The following TSHZ2 variants were observed in gnomAD, a reference collection of about 807,000 sequenced individuals.
The protein encoded by TSHZ2 is teashirt homolog 2.
In TSHZ2, 21 loss-of-function variants were observed where a neutral mutation model predicts 74.4. That is an observed-to-expected ratio of 0.28 (90% CI 0.20 to 0.41). TSHZ2 has a LOEUF of 0.41. Among genes scored for constraint, TSHZ2 ranks in the 10% least tolerant of loss-of-function variants. The pLI is 1.00. For synonymous variants in TSHZ2, 540 were observed against 515.3 expected, an observed-to-expected ratio of 1.05 and a Z score of -0.65; for missense variants, 1,244 against 1,293.5, an observed-to-expected ratio of 0.96 and a Z score of 0.59.
rs59907513 is a variant in TSHZ2 at position 53,321,683 on chromosome 20, C to CAAAAAAA, written c.*8+65123_*8+65129dup. 1.5e-3 allele frequency among the ~76,000 whole-genome samples: 89 copies of CAAAAAAA among 58,234 alleles called. 4 individuals are homozygous for CAAAAAAA. The highest frequency in any genetic ancestry group is 3.1e-3 in the African/African-American group (37 of 11,980). The allele number at this position is 58,234 out of a possible 152,430, so 38.2% of individuals were successfully genotyped here. A position where few individuals can be genotyped will look rare whatever the true frequency, so the allele number is the denominator to read the frequency against. On this transcript the variant is annotated intron_variant, in intron 2 of 2. Transcript: ENST00000371497. ...TGGGCAACAGGGCGAGACTCCATCT[C>CAAAAAAA]AAAAAAAAAAAAAAAAAGAAAGACA...
chr20:53,271,497 C>G (rs1990837758), intron 2 of TSHZ2, among the ~76,000 whole-genome samples: 1 of 152,192 alleles, frequency 6.6e-6, no homozygotes, highest in Non-Finnish European at 1.5e-5. Flanking sequence ...ACAGGTCTAA[C>G]AGCCCTGCCC....
At chr20:53,096,566 A>AAGAATCATCATC (rs1291078486) in intron 1 of TSHZ2, among the ~76,000 whole-genome samples, 1 of 152,132 alleles carries the variant, frequency 6.6e-6, no homozygotes, top group African/African-American at 2.4e-5. Context: ...TCATTATCAT[A>AAGAATCATCATC]AGCATCATCA....
chr20:53,435,021 A>G (rs1983994115), intron 2 of TSHZ2, among the ~76,000 whole-genome samples: 1 of 152,230 alleles, frequency 6.6e-6, no homozygotes, highest in East Asian at 1.9e-4. Context: ...TAAAAGAGAG[A>G]AAACAAAACC....
chr20:53,156,991 A>G (rs1184960851), intron 1 of TSHZ2, among the ~76,000 whole-genome samples: 4 of 152,124 alleles, frequency 2.6e-5, no homozygotes, highest in Non-Finnish European at 5.9e-5. Flanking sequence ...GAAACATTAG[A>G]CCTTTCAGCT....
chr20:53,200,354 G>C (rs1250557520), intron 1 of TSHZ2, among the ~76,000 whole-genome samples: 1 of 152,156 alleles, frequency 6.6e-6, no homozygotes, highest in African/African-American at 2.4e-5. Flanking sequence ...CTGAAAACCA[G>C]GAAACACCAA....
intron 1 of TSHZ2, among the ~76,000 whole-genome samples, chr20:53,167,731 C>A (rs1239599967): frequency 1.3e-5 from 2 of 152,108 alleles, no homozygotes; most frequent in East Asian, 3.8e-4. Context: ...ATGAGAGGTG[C>A]AAGTGGTGAA....
At chr20:53,101,934 G>T (rs1986229398) in intron 1 of TSHZ2, among the ~76,000 whole-genome samples, 2 of 150,166 alleles carry the variant, frequency 1.3e-5, no homozygotes, top group East Asian at 3.8e-4. Flanking sequence ...TCACTTTTTT[G>T]GGGAGCGTCT....
chr20:53,216,780 G>T (rs1301184119), intron 1 of TSHZ2, among the ~76,000 whole-genome samples: 1 of 152,172 alleles, frequency 6.6e-6, no homozygotes, highest in Non-Finnish European at 1.5e-5. Context: ...TAATCATGTG[G>T]GTTGTTCTTC....
chr20:53,430,315 G>A (rs1983795524), intron 2 of TSHZ2, among the ~76,000 whole-genome samples: 1 of 151,988 alleles, frequency 6.6e-6, no homozygotes, highest in Admixed American at 6.6e-5. Context: ...ACATTGCCCA[G>A]GCTGGTCTCA....
At position 53,364,629 on chromosome 20, in the gene TSHZ2, T is replaced by G. The variant is rs142970240; in HGVS notation, c.*8+108058T>G. On this transcript the variant is annotated intron_variant, in intron 2 of 2. Transcript: ENST00000371497. ...AGTAGTCAACAGGGAAGGTTCAGAT[T>G]TGTTTCTTCCTTGAAAGCTGCAGAA... 8.2e-4 allele frequency among the ~76,000 whole-genome samples: 125 copies of G among 152,320 alleles called. 1 individual carries two copies. Among genetic ancestry groups the G allele is most frequent in the African/African-American group, 3.0e-3 (123 of 41,580 alleles).
intron 1 of TSHZ2, among the ~76,000 whole-genome samples, chr20:53,017,413 G>C (rs1301290548): frequency 3.9e-5 from 6 of 152,154 alleles, no homozygotes; most frequent in African/African-American, 1.2e-4. Flanking sequence ...TTCACAACAT[G>C]ATTTTACATA....
chr20:53,027,900 A>G (rs1014678391), intron 1 of TSHZ2, among the ~76,000 whole-genome samples: 19 of 152,148 alleles, frequency 1.2e-4, no homozygotes, highest in African/African-American at 1.7e-4. Context: ...TTTAAAAAAG[A>G]AAAGAATCCC....
At chr20:53,273,899 T>A (rs1264416223) in intron 2 of TSHZ2, among the ~76,000 whole-genome samples, 10 of 152,124 alleles carry the variant, frequency 6.6e-5, no homozygotes, top group Admixed American at 6.5e-4. Context: ...AGGATACAAC[T>A]GCTCTTCCCG....
chr20:53,093,725 CCTGT>C (rs1985955953), intron 1 of TSHZ2, among the ~76,000 whole-genome samples: 2 of 152,162 alleles, frequency 1.3e-5, no homozygotes. Context: ...AAGAACCGTG[CCTGT>C]CTTATTCACA....
In TSHZ2 at chr20:53,201,449, G is replaced by A. The variant is rs145786483; in HGVS notation, c.41-52050G>A. On this transcript the variant is annotated intron_variant, in intron 1 of 2. Transcript: ENST00000371497. Reference sequence around the variant, plus strand: ...CACGGTGACCTCTGGTTCTGCTGTCGTATCACCTTCCCTGACTCCGATTCT... The same window carrying A: ...CACGGTGACCTCTGGTTCTGCTGTCATATCACCTTCCCTGACTCCGATTCT... 2.4e-3 allele frequency among the ~76,000 whole-genome samples: 367 copies of A among 152,142 alleles called. 1 individual carries two copies. The highest frequency in any genetic ancestry group is 3.3e-3 in the Non-Finnish European group (225 of 68,004).
rs967730022 is a variant in TSHZ2, at chr20:53,385,134, A to T, written c.*9-102010A>T. Reference sequence around the variant, plus strand: ...GACTCCGTCTCAAAAAATAAAAATTAAAAAATGAAAAATCAAAAATAAAAC... The same window carrying T: ...GACTCCGTCTCAAAAAATAAAAATTTAAAAATGAAAAATCAAAAATAAAAC... On this transcript the variant is annotated intron_variant, in intron 2 of 2. Coordinates refer to ENST00000371497, the MANE Select transcript of TSHZ2 (RefSeq NM_173485.6). Among the ~76,000 whole-genome samples the T allele has an allele frequency of 2.6e-5, 4 of 152,188 alleles. No homozygotes were observed. The East Asian group carries it at 7.7e-4, about 29-fold the overall frequency.
intron 2 of TSHZ2, among the ~76,000 whole-genome samples, chr20:53,276,634 T>C (rs1422844380): frequency 4.6e-5 from 7 of 152,198 alleles, no homozygotes; most frequent in African/African-American, 1.7e-4. Context: ...TTTAAGCCAG[T>C]GGTTCTCAAA....
chr20:53,275,881 C>T (rs183508328), intron 2 of TSHZ2, among the ~76,000 whole-genome samples: 1 of 152,174 alleles, frequency 6.6e-6, no homozygotes, highest in Non-Finnish European at 1.5e-5. Context: ...GAGCCGAGAT[C>T]GCACCATTGC....
At chr20:53,187,569 G>A (rs1480284547) in intron 1 of TSHZ2, among the ~76,000 whole-genome samples, 3 of 152,112 alleles carry the variant, frequency 2.0e-5, no homozygotes, top group African/African-American at 7.2e-5. Context: ...TCCGTGGCTA[G>A]CCGGGTGGTC....
Sources: gnomAD v4.1 joint callset for allele counts (sites outside exome capture counted in the v4.1 genomes callset) on GRCh38, gnomAD v4.1.1 for gene constraint, MANE v1.5 for transcripts, NCBI Gene and HGNC (gene_info 2026-07-23, HGNC 2026-07-21) for gene names.